The following KANSL1 variants were observed in gnomAD, a reference collection of about 807,000 sequenced individuals.
KANSL1 encodes KAT8 regulatory NSL complex subunit 1.
A neutral mutation model predicts 103.6 loss-of-function variants in KANSL1; 22 were observed. The ratio of observed to expected loss-of-function variants is 0.21; its 90% CI spans 0.15 to 0.30. The LOEUF (loss-of-function observed/expected upper bound fraction) is 0.30. Among genes scored for constraint, KANSL1 ranks in the 10% least tolerant of loss-of-function variants. The probability of loss-of-function intolerance (pLI) is 1.00; values close to 1 mark genes in which losing one functional copy is unlikely to be tolerated. For synonymous variants in KANSL1, 600 were observed against 527.6 expected (o/e 1.14, Z -1.88); for missense variants, 1,337 against 1,399.8 (o/e 0.96, Z 0.72).
intron 1 of KANSL1, among the ~76,000 whole-genome samples, chr17:46,219,673 A>T (rs562997422): frequency 1.3e-5 from 2 of 152,250 alleles, no homozygotes; most frequent in Non-Finnish European, 2.9e-5. Flanking sequence ...GCCAAGTTAA[A>T]TTTTTTAATG....
chr17:46,054,621 C>T (rs765600055), intron 6 of KANSL1, among the ~76,000 whole-genome samples: 13 of 152,272 alleles, frequency 8.5e-5, no homozygotes, highest in Middle Eastern at 3.4e-3. Context: ...TTGCATGGTT[C>T]CCACAAGGTC....
At chr17:46,043,349 G>A (rs2077393696) in intron 7 of KANSL1, 3 of 152,002 alleles carry the variant, frequency 2.0e-5, no homozygotes, top group South Asian at 2.1e-4. Flanking sequence ...TGGTTATAGT[G>A]AAAACAGCAA....
intron 1 of KANSL1, chr17:46,222,181 A>AT (rs1323339054): frequency 1.3e-5 from 2 of 149,990 alleles, no homozygotes; most frequent in African/African-American, 4.9e-5. Flanking sequence ...TCCTTTCTCT[A>AT]TTCCTGCCAT....
At chr17:46,218,605 A>G (rs1175620118) in intron 1 of KANSL1, among the ~76,000 whole-genome samples, 1 of 152,082 alleles carries the variant, frequency 6.6e-6, no homozygotes, top group Non-Finnish European at 1.5e-5. Flanking sequence ...CAACATAGTG[A>G]AACCCCGTCT....
rs191493740 is a variant in KANSL1, at chr17:46,213,767, A to C, written c.-90+9904T>G. Among the ~76,000 whole-genome samples, 95 of 152,034 alleles carry C rather than the reference A, an allele frequency of 6.2e-4. No homozygotes were observed. In the East Asian group the frequency reaches 0.017, roughly 27 times the overall value. Reference sequence around the variant, plus strand: ...ACCCTGTCTCTACTAAAAATATAACAATCAGCCGGGTGTGGTGGCACGTGC... The same window carrying C: ...ACCCTGTCTCTACTAAAAATATAACCATCAGCCGGGTGTGGTGGCACGTGC... On this transcript the variant is annotated intron_variant, in intron 1 of 14. Transcript: ENST00000572904.
At chr17:46,058,745 T>A (rs912626812) in intron 6 of KANSL1, among the ~76,000 whole-genome samples, 565 of 28,208 alleles carry the variant, frequency 0.02, 2 homozygotes, top group African/African-American at 0.033. Flanking sequence ...ACACACACAC[T>A]CTCTCTCTCT....
chr17:46,164,419 T>C (rs2045897816), intron 2 of KANSL1, among the ~76,000 whole-genome samples: 2 of 152,230 alleles, frequency 1.3e-5, no homozygotes, highest in Non-Finnish European at 2.9e-5. Context: ...CCACTTGACG[T>C]CATGTGCAGA....
intron 2 of KANSL1, among the ~76,000 whole-genome samples, chr17:46,136,786 C>T (rs1231947794): frequency 6.6e-6 from 1 of 152,200 alleles, no homozygotes; most frequent in African/African-American, 2.4e-5. Context: ...ACCAGAAAGA[C>T]AAAAGCACTT....
intron 6 of KANSL1, among the ~76,000 whole-genome samples, chr17:46,059,953 A>C (rs954543694): frequency 1.3e-5 from 2 of 152,110 alleles, no homozygotes; most frequent in African/African-American, 4.8e-5. Flanking sequence ...AGGGGGACAA[A>C]AAACAAACAA....
chr17:46,065,140 T>TTG (rs1392269449), intron 6 of KANSL1, among the ~76,000 whole-genome samples: 1 of 150,962 alleles, frequency 6.6e-6, no homozygotes, highest in Non-Finnish European at 1.5e-5. Context: ...AGCAGGCTTT[T>TTG]TTTTTTTTTA....
At chr17:46,067,855 A>C (rs529237920) in intron 4 of KANSL1, among the ~76,000 whole-genome samples, 188 bp from the exon 5 acceptor site, 1 of 152,298 alleles carries the variant, frequency 6.6e-6, no homozygotes, top group African/African-American at 2.4e-5. Flanking sequence ...CGCAACTATA[A>C]TTGCAGCACT....
intron 4 of KANSL1, among the ~76,000 whole-genome samples, chr17:46,074,658 T>C (rs934203655): frequency 2.0e-5 from 3 of 151,840 alleles, no homozygotes; most frequent in African/African-American, 4.8e-5. Context: ...TCCCAGCTAC[T>C]TGGGAGGCTG....
At chr17:46,173,932 G>A (rs1427480624) in intron 1 of KANSL1, among the ~76,000 whole-genome samples, 1 of 152,202 alleles carries the variant, frequency 6.6e-6, no homozygotes, top group Non-Finnish European at 1.5e-5. Context: ...GTTGCAAAAT[G>A]AACTAGAGCT....
chr17:46,078,834 C>G (rs559680538), intron 4 of KANSL1, among the ~76,000 whole-genome samples: 24 of 152,332 alleles, frequency 1.6e-4, no homozygotes, highest in Non-Finnish European at 3.2e-4. Context: ...GAACAACTCT[C>G]AACCGCTTTT....
chr17:46,050,863 A>G (rs2077688258), intron 6 of KANSL1, among the ~76,000 whole-genome samples, 159 bp from the exon 7 acceptor site: 1 of 152,254 alleles, frequency 6.6e-6, no homozygotes, highest in African/African-American at 2.4e-5. Context: ...ATGTTTGATT[A>G]GTTTGTTAAA....
chr17:46,077,429 T>C (rs529889697), intron 4 of KANSL1, among the ~76,000 whole-genome samples: 1 of 152,358 alleles, frequency 6.6e-6, no homozygotes, highest in South Asian at 2.1e-4. Flanking sequence ...AGTGTGATGT[T>C]AGGCGTTAGG....
intron 10 of KANSL1, chr17:46,034,577 T>C (rs2146327198): frequency 2.8e-6 from 1 of 354,268 alleles, no homozygotes; most frequent in East Asian, 8.2e-5. Context: ...ACCTGGGATC[T>C]TAACTGTTGG....
intron 2 of KANSL1, among the ~76,000 whole-genome samples, chr17:46,100,213 G>A (rs1466635367): frequency 6.6e-6 from 1 of 152,070 alleles, no homozygotes; most frequent in East Asian, 1.9e-4. Context: ...TTTTCTTCAT[G>A]TGACTCAACA....
At chr17:46,170,639 A>G in intron 2 of KANSL1, 1 of 536,308 alleles carries the variant, frequency 1.9e-6, no homozygotes, top group Non-Finnish European at 3.2e-6. Flanking sequence ...GGAAATTACC[A>G]CCATTTAGAC....
Sources: allele counts gnomAD v4.1 joint callset (sites outside exome capture counted in the v4.1 genomes callset), GRCh38; gene constraint gnomAD v4.1.1; transcripts MANE v1.5; gene names NCBI Gene and HGNC (gene_info 2026-07-23, HGNC 2026-07-21).